The following RNF13 variants were observed in gnomAD, a reference collection of about 807,000 sequenced individuals.
The protein encoded by RNF13 is ring finger protein 13.
In RNF13, 19 loss-of-function variants were observed where a neutral mutation model predicts 37.7. That is an observed-to-expected ratio of 0.50 (90% CI 0.35 to 0.74). The LOEUF (loss-of-function observed/expected upper bound fraction) is 0.74, where lower values mean the gene tolerates loss of function less well. Ranked by LOEUF, RNF13 falls within the 30% of genes least tolerant of loss-of-function variation. RNF13 has a pLI of 0.01. For synonymous variants in RNF13, 144 were observed against 157.8 expected, an observed-to-expected ratio of 0.91 and a Z score of 0.65; for missense variants, 375 against 453.0, an observed-to-expected ratio of 0.83 and a Z score of 1.56.
intron 7 of RNF13, among the ~76,000 whole-genome samples, chr3:149,919,092 A>C (rs1717853631): frequency 1.3e-5 from 2 of 152,128 alleles, no homozygotes; most frequent in South Asian, 4.1e-4. Flanking sequence ...ATTGATATGA[A>C]CATTTGCATT....
At chr3:149,859,886 A>G (rs1184726599) in intron 3 of RNF13, among the ~76,000 whole-genome samples, 2 of 152,168 alleles carry the variant, frequency 1.3e-5, no homozygotes, top group Non-Finnish European at 2.9e-5. Flanking sequence ...TAAAATTTAT[A>G]TGGAACCAGA....
intron 1 of RNF13, among the ~76,000 whole-genome samples, chr3:149,835,661 GTGTGTT>G (rs1721533787): frequency 6.6e-6 from 1 of 150,884 alleles, no homozygotes; most frequent in South Asian, 2.1e-4. Flanking sequence ...GTGTGTGTGT[GTGTGTT>G]TGTGTGTGTG....
chr3:149,828,611 ACAACAGT>A (rs374637372), intron 1 of RNF13, among the ~76,000 whole-genome samples: 4 of 152,276 alleles, frequency 2.6e-5, no homozygotes, highest in African/African-American at 9.6e-5. Context: ...GGTACTGGTG[ACAACAGT>A]GGTATTTGAA....
chr3:149,887,979 G>A lies in RNF13; in HGVS notation c.322-7494G>A, dbSNP rs148533012. Among the ~76,000 whole-genome samples the A allele has an allele frequency of 3.6e-3, 549 of 152,246 alleles. 2 individuals carry two copies. Among genetic ancestry groups the A allele is most frequent in the Middle Eastern group, 0.017 (5 of 294 alleles). On this transcript the variant is annotated intron_variant, in intron 4 of 9. Coordinates refer to ENST00000392894, the MANE Select transcript of RNF13 (RefSeq NM_183381.3). ...TTGGGAGCAAAAAGAAAAGAAAGAC[G>A]CTTTAAAGCTACTGAAGACATCATG... is the stretch of plus-strand genomic sequence containing the variant.
intron 1 of RNF13, among the ~76,000 whole-genome samples, chr3:149,842,515 C>A (rs888127676): frequency 6.6e-6 from 1 of 152,178 alleles, no homozygotes; most frequent in Non-Finnish European, 1.5e-5. Flanking sequence ...CTCCAAATTA[C>A]ACTATTAGTA....
intron 8 of RNF13, among the ~76,000 whole-genome samples, chr3:149,942,433 T>G (rs775220378): frequency 3.3e-5 from 5 of 152,210 alleles, no homozygotes; most frequent in Admixed American, 2.6e-4. Flanking sequence ...TATTCCAAAG[T>G]ATTTATCCTT....
chr3:149,873,699 G>A (rs1712350577), intron 4 of RNF13, among the ~76,000 whole-genome samples: 1 of 152,106 alleles, frequency 6.6e-6, no homozygotes, highest in South Asian at 2.1e-4. Flanking sequence ...TGCTAGCTGA[G>A]GATGTTACCT....
At chr3:149,926,243 G>T (rs906887421) in intron 8 of RNF13, among the ~76,000 whole-genome samples, 1 of 151,994 alleles carries the variant, frequency 6.6e-6, no homozygotes, top group Non-Finnish European at 1.5e-5. Flanking sequence ...GCGGAGTCTC[G>T]CTCTGTCCCC....
intron 1 of RNF13, among the ~76,000 whole-genome samples, chr3:149,839,996 C>T (rs745833262): frequency 4.2e-4 from 64 of 152,222 alleles, no homozygotes; most frequent in Non-Finnish European, 7.9e-4. Context: ...GCAAGACACC[C>T]ATCTTGTGGT....
intron 3 of RNF13, among the ~76,000 whole-genome samples, chr3:149,866,308 G>T (rs1369552645): frequency 6.6e-6 from 1 of 152,212 alleles, no homozygotes; most frequent in Non-Finnish European, 1.5e-5. Flanking sequence ...ATTATTTCTT[G>T]ATGATATGCT....
chr3:149,865,694 G>A (rs1724743117), intron 3 of RNF13, among the ~76,000 whole-genome samples: 1 of 152,132 alleles, frequency 6.6e-6, no homozygotes, highest in Admixed American at 6.6e-5. Context: ...AATTGGAATA[G>A]ATGAGCTTTC....
At chr3:149,960,708 A>G (rs1722319036) in intron 9 of RNF13, 32 bp from the exon 10 acceptor site, 1 of 1,561,588 alleles carries the variant, frequency 6.4e-7, no homozygotes. Flanking sequence ...ACCGCAGCAT[A>G]CTAACTAAAG....
chr3:149,941,611 G>T (rs2108580839), intron 8 of RNF13, among the ~76,000 whole-genome samples: 1 of 149,214 alleles, frequency 6.7e-6, no homozygotes, highest in South Asian at 2.1e-4. Flanking sequence ...TCAGATACAT[G>T]TGTTGCAGTT....
intron 6 of RNF13, among the ~76,000 whole-genome samples, chr3:149,909,767 C>T (rs995992150): frequency 3.3e-5 from 5 of 151,846 alleles, no homozygotes; most frequent in Non-Finnish European, 5.9e-5. Context: ...CCATTTCTGC[C>T]GTTACAAACA....
intron 7 of RNF13, among the ~76,000 whole-genome samples, chr3:149,913,231 A>T (rs1432392630): frequency 1.3e-5 from 2 of 152,046 alleles, no homozygotes; most frequent in African/African-American, 4.8e-5. Flanking sequence ...GTCTTTTTTT[A>T]GACTTATTAC....
intron 1 of RNF13, among the ~76,000 whole-genome samples, chr3:149,818,865 C>A (rs577697010): frequency 6.6e-6 from 1 of 151,968 alleles, no homozygotes; most frequent in Non-Finnish European, 1.5e-5. Context: ...GAGCCAAGAC[C>A]GCGGCACTGT....
At chr3:149,819,862 G>A (rs1227181135) in intron 1 of RNF13, among the ~76,000 whole-genome samples, 1 of 152,154 alleles carries the variant, frequency 6.6e-6, no homozygotes, top group Non-Finnish European at 1.5e-5. Flanking sequence ...GTTCCCTGAG[G>A]AAGGTATTTG....
intron 8 of RNF13, among the ~76,000 whole-genome samples, chr3:149,954,442 AAAG>A (rs889869011): frequency 2.0e-5 from 3 of 152,166 alleles, no homozygotes; most frequent in African/African-American, 7.2e-5. Flanking sequence ...AAAAAACAAA[AAAG>A]AAAAAAAGAA....
Position 149,961,013 on chromosome 3 carries a change from G to A in RNF13, c.1055G>A (p.Ser352Asn). The change falls in exon 10 of 10, where the codon AGT becomes AAT. Residue 352 changes from serine to asparagine, a missense_variant. Physicochemically the swap from Ser to Asn is conservative, Grantham distance 46. Coordinates refer to ENST00000392894, the MANE Select transcript of RNF13 (RefSeq NM_183381.3). ...GACGACAATGAAGATACTGACAGTA[G>A]TGATGCAGAAAATGAAATTAATGAA... ...EEDDNEDTDS[S>N]DAENEINEHD... The A allele has an allele frequency of 1.9e-6, 3 of 1,614,214 alleles. No individual in the cohort carries two copies. The highest frequency in any genetic ancestry group is 2.5e-6 in the Non-Finnish European group (3 of 1,180,026).
Sources: gnomAD v4.1 joint callset for allele counts (sites outside exome capture counted in the v4.1 genomes callset) on GRCh38, gnomAD v4.1.1 for gene constraint, MANE v1.5 for transcripts, NCBI Gene and HGNC (gene_info 2026-07-23, HGNC 2026-07-21) for gene names.